Variants in KIAA0753 observed in about 807,000 individuals in gnomAD.
KIAA0753 encodes the protein protein moonraker.
Under a neutral mutation model 116.9 loss-of-function variants are expected in KIAA0753, and 114 were observed. The observed-to-expected ratio is 0.98, with a 90% CI of 0.84 to 1.14. The LOEUF (loss-of-function observed/expected upper bound fraction) is 1.14, where lower values mean the gene tolerates loss of function less well. KIAA0753 is among the 50% of genes most tolerant of loss of function. The pLI is 0.00. For missense variants in KIAA0753, 1,156 were observed against 1,172.4 expected (o/e 0.99, Z 0.20); for synonymous variants, 405 against 413.1 (o/e 0.98, Z 0.24).
In KIAA0753 at chr17:6,596,198, G is replaced by A. The variant is rs755057472; in HGVS notation, c.2318C>T (p.Pro773Leu). 3 of 1,613,746 alleles carry A rather than the reference G, an allele frequency of 1.9e-6. No homozygotes were observed. The highest frequency in any genetic ancestry group is 2.7e-5 in the African/African-American group (2 of 74,864). The change falls in exon 15 of 19, where the codon CCA becomes CTA. Residue 773 changes from proline (P) to leucine (L), a missense_variant. By Grantham distance (98) the Pro-to-Leu change is moderately conservative (BLOSUM62 -3). Transcript: ENST00000361413. ...LATVEDSKDSPDLEIMMRRME... is the reference protein window; with the variant it reads ...LATVEDSKDSLDLEIMMRRME... ...TCGGCGCATCATGATCTCCAGATCT[G>A]GGCTATCCTTGCTGTCCTCAACGGT...
chr17:6,630,607 C>T (rs1405675048), intron 2 of KIAA0753, among the ~76,000 whole-genome samples: 5 of 152,114 alleles, frequency 3.3e-5, no homozygotes, highest in Non-Finnish European at 7.4e-5. Context: ...ACACCTCCAA[C>T]AATAAACATG....
At chr17:6,584,383 G>A (rs1968412862) in intron 18 of KIAA0753, among the ~76,000 whole-genome samples, 1 of 152,186 alleles carries the variant, frequency 6.6e-6, no homozygotes, top group Non-Finnish European at 1.5e-5. Context: ...CTCAGTGGGA[G>A]AGGTGGTCCA....
intron 18 of KIAA0753, among the ~76,000 whole-genome samples, chr17:6,585,730 A>T (rs1968528444): frequency 1.3e-5 from 2 of 152,146 alleles, no homozygotes; most frequent in South Asian, 4.1e-4. Flanking sequence ...TCATGATATA[A>T]CAGTTTCACT....
At position 6,618,794 on chromosome 17, in the gene KIAA0753, TA is replaced by T. The variant is rs552877376; in HGVS notation, c.1315+1993del. On this transcript the variant is annotated intron_variant, in intron 7 of 18. Coordinates refer to ENST00000361413, the MANE Select transcript of KIAA0753 (RefSeq NM_014804.3). ...ATCAATGAGAAAAAAAGAAATAAAA[TA>T]TTGATTAATGTAGTAAATTACAACA... is the stretch of plus-strand genomic sequence containing the variant. Among the ~76,000 whole-genome samples the T allele has an allele frequency of 7.8e-4, 118 of 152,096 alleles. 2 individuals carry two copies. In the East Asian group the frequency reaches 0.021, roughly 27 times the overall value.
chr17:6,594,826 G>C (rs1276571451), intron 16 of KIAA0753, 146 bp downstream of exon 16: 3 of 655,274 alleles, frequency 4.6e-6, no homozygotes, highest in Non-Finnish European at 5.4e-6. Flanking sequence ...GGGATAAATA[G>C]GTGACAAAGC....
In KIAA0753 at chr17:6,628,234, G is replaced by A. The variant is rs755693348; in HGVS notation, c.601C>T (p.His201Tyr). Residue 201 changes from histidine to tyrosine, a missense_variant, in exon 3 of 19, where the codon CAT (histidine) becomes TAT (tyrosine). Transcript: ENST00000361413. Reference protein sequence around the residue: ...PPTHDPGLQPHPRIGDHKNIS... With the variant: ...PPTHDPGLQPYPRIGDHKNIS... ...TTTTTGTGGTCACCTATCCTGGGAT[G>A]AGGCTGAAGTCCCGGATCATGGGTG... 1.8e-5 allele frequency: 29 copies of A among 1,614,058 alleles called. No homozygotes were observed. The Admixed American group carries it at 3.2e-4, about 18-fold the overall frequency.
intron 18 of KIAA0753, among the ~76,000 whole-genome samples, chr17:6,589,197 G>A (rs1200106284): frequency 6.6e-6 from 1 of 152,168 alleles, no homozygotes; most frequent in African/African-American, 2.4e-5. Flanking sequence ...ATTAGGTTTA[G>A]ATGAGGTCAT....
intron 2 of KIAA0753, among the ~76,000 whole-genome samples, chr17:6,634,469 T>C (rs906254497): frequency 1.3e-5 from 2 of 152,206 alleles, no homozygotes; most frequent in Non-Finnish European, 2.9e-5. Context: ...ATGCCTGCAA[T>C]TGACTTTGAA....
chr17:6,579,683 C>A lies in KIAA0753; in HGVS notation c.*64G>T. On this transcript the variant is annotated 3_prime_UTR_variant, in exon 19 of 19. Transcript: ENST00000361413. ...CTGAGGATGAAAATTTCCTGTGGGC[C>A]AAAACAAAGGGTGGTGCCATCCCTT... 1 of 1,188,168 alleles carries A rather than the reference C, an allele frequency of 8.4e-7. No individual in the cohort carries two copies. The highest frequency in any genetic ancestry group is 1.2e-5 in the South Asian group (1 of 81,492). The allele number at this position is 1,188,168 out of a possible 1,614,324, so 73.6% of individuals were successfully genotyped here. A position where few individuals can be genotyped will look rare whatever the true frequency, so the allele number is the denominator to read the frequency against.
chr17:6,616,037 G>A lies in KIAA0753; in HGVS notation c.1316-3889C>T, dbSNP rs78215742. 8.0e-3 allele frequency among the ~76,000 whole-genome samples: 1,218 copies of A among 152,254 alleles called. 8 individuals carry two copies. The highest frequency in any genetic ancestry group is 0.014 in the Middle Eastern group (4 of 294). On this transcript the variant is annotated intron_variant, in intron 7 of 18. Transcript: ENST00000361413. Reference sequence around the variant, plus strand: ...GAGGAGACCTTAGGAAATCAGAATGGAAGAATAGGGTAGAGTGATACCTAA... The same window carrying A: ...GAGGAGACCTTAGGAAATCAGAATGAAAGAATAGGGTAGAGTGATACCTAA...
intron 12 of KIAA0753, among the ~76,000 whole-genome samples, chr17:6,602,514 A>G (rs2150799606): frequency 6.6e-6 from 1 of 152,346 alleles, no homozygotes; most frequent in Non-Finnish European, 1.5e-5. Flanking sequence ...AGCCAGACAC[A>G]ATGGGGTAGA....
chr17:6,591,008 A>C (rs1968964058), intron 16 of KIAA0753, among the ~76,000 whole-genome samples: 2 of 87,084 alleles, frequency 2.3e-5, no homozygotes, highest in Non-Finnish European at 4.9e-5. Flanking sequence ...AGGAAGAAGA[A>C]GGAAGAAGAA....
At chr17:6,592,862 A>G (rs1969172240) in intron 16 of KIAA0753, among the ~76,000 whole-genome samples, 1 of 152,272 alleles carries the variant, frequency 6.6e-6, no homozygotes, top group Non-Finnish European at 1.5e-5. Flanking sequence ...TTTTGGAAAT[A>G]AGCAGCTGAG....
At chr17:6,599,466 T>G in intron 13 of KIAA0753, 146 bp from the exon 14 acceptor site, 1 of 612,312 alleles carries the variant, frequency 1.6e-6, no homozygotes. Flanking sequence ...CAAAGCACTT[T>G]GTCTTCATGG....
chr17:6,603,464 T>C (rs996674996), intron 12 of KIAA0753, among the ~76,000 whole-genome samples: 6 of 152,246 alleles, frequency 3.9e-5, no homozygotes, highest in East Asian at 1.9e-4. Context: ...TGATTTCTCA[T>C]TGGAAACAAG....
In KIAA0753 at chr17:6,624,865, AAAATATT is replaced by A. The variant is rs1243072496; in HGVS notation, c.719-11_719-5del. On this transcript the variant is annotated splice_region_variant and splice_polypyrimidine_tract_variant and intron_variant, in intron 3 of 18. Coordinates refer to ENST00000361413, the MANE Select transcript of KIAA0753 (RefSeq NM_014804.3). The stretch of plus-strand genomic sequence containing the variant: ...TCCAAAGCTTCTTCTAGTCTATCTG[AAAATATT>A]AATAGTTTTCCCCAAAAGTGGATTA... 1.9e-6 allele frequency: 3 copies of A among 1,541,022 alleles called. No homozygotes were observed.
At chr17:6,623,884 G>C in intron 4 of KIAA0753, 1 of 233,324 alleles carries the variant, frequency 4.3e-6, no homozygotes, top group Non-Finnish European at 8.3e-6. Context: ...TACATGCCAC[G>C]CTGAAGAGTT....
chr17:6,621,044 G>A (rs1335053998), intron 6 of KIAA0753, 46 bp from the exon 7 acceptor site: 2 of 1,571,048 alleles, frequency 1.3e-6, no homozygotes, highest in South Asian at 2.3e-5. Context: ...TCTCGCAAAA[G>A]TATGACTTTT....
intron 14 of KIAA0753, among the ~76,000 whole-genome samples, chr17:6,596,895 G>T (rs186092012): frequency 1.3e-5 from 2 of 152,286 alleles, no homozygotes; most frequent in Admixed American, 6.5e-5. Flanking sequence ...TACATGCTCT[G>T]TATTTCTCTT....
Sources: gnomAD v4.1 joint callset for allele counts (sites outside exome capture counted in the v4.1 genomes callset) on GRCh38, gnomAD v4.1.1 for gene constraint, MANE v1.5 for transcripts, NCBI Gene and HGNC (gene_info 2026-07-23, HGNC 2026-07-21) for gene names.